The following SLC2A9 variants were observed in gnomAD, a reference collection of about 807,000 sequenced individuals.
SLC2A9 encodes the protein solute carrier family 2, facilitated glucose transporter member 9.
In SLC2A9, 39 loss-of-function variants were observed where a neutral mutation model predicts 50.6. That is an observed-to-expected ratio of 0.77 (90% CI 0.60 to 1.01). The LOEUF is 1.01. SLC2A9 is among the 50% of genes least tolerant of loss of function. The probability of loss-of-function intolerance (pLI) is 0.00; values close to 1 mark genes in which losing one functional copy is unlikely to be tolerated. For synonymous variants in SLC2A9, 324 were observed against 276.9 expected (o/e 1.17, Z -1.69); for missense variants, 686 against 677.6 (o/e 1.01, Z -0.14).
intron 3 of SLC2A9, chr4:9,781,683 C>T (rs1055014617): frequency 4.4e-6 from 1 of 227,790 alleles, no homozygotes; most frequent in African/African-American, 2.3e-5. Context: ...TCAGTGGCGG[C>T]TTGCTCTCTT....
At chr4:9,904,555 T>C (rs2109942799) in intron 8 of SLC2A9, among the ~76,000 whole-genome samples, 1 of 152,342 alleles carries the variant, frequency 6.6e-6, no homozygotes, top group African/African-American at 2.4e-5. Context: ...TTGTGCCATG[T>C]AAGGTAATAT....
chr4:10,008,908 T>G (rs1375543332), intron 2 of SLC2A9, among the ~76,000 whole-genome samples: 1 of 151,394 alleles, frequency 6.6e-6, no homozygotes, highest in Non-Finnish European at 1.5e-5. Flanking sequence ...TGGTTTTTTT[T>G]TTTTTTTTTC....
intron 8 of SLC2A9, among the ~76,000 whole-genome samples, chr4:9,905,729 T>C (rs1740543392): frequency 6.6e-6 from 1 of 152,158 alleles, no homozygotes; most frequent in Non-Finnish European, 1.5e-5. Context: ...GGAAGAAGTG[T>C]AGCCACTTCC....
At chr4:9,907,248 A>G (rs528756401) in intron 8 of SLC2A9, among the ~76,000 whole-genome samples, 40 of 152,266 alleles carry the variant, frequency 2.6e-4, no homozygotes, top group Admixed American at 1.6e-3. Context: ...AAAAAAGAAG[A>G]GACACAAGCA....
At chr4:10,033,267 C>A (rs969936048) in intron 1 of SLC2A9, among the ~76,000 whole-genome samples, 4 of 152,180 alleles carry the variant, frequency 2.6e-5, no homozygotes, top group African/African-American at 9.7e-5. Flanking sequence ...ATGTCACCCC[C>A]ACTGTCTATC....
At chr4:9,943,293 A>C (rs1036245959) in intron 5 of SLC2A9, among the ~76,000 whole-genome samples, 3 of 152,180 alleles carry the variant, frequency 2.0e-5, no homozygotes, top group Non-Finnish European at 4.4e-5. Context: ...TCTCCATCTA[A>C]GGGGTGCCTT....
chr4:9,867,595 C>T (rs116690994), intron 10 of SLC2A9, among the ~76,000 whole-genome samples: 1,601 of 152,248 alleles, frequency 0.011, 27 homozygotes, highest in African/African-American at 0.036. Flanking sequence ...GATAGACGGG[C>T]GGCTATTGCT....
intron 5 of SLC2A9, among the ~76,000 whole-genome samples, chr4:9,955,926 G>C (rs1443458365): frequency 7.8e-6 from 1 of 127,562 alleles, no homozygotes; most frequent in Non-Finnish European, 1.5e-5. Flanking sequence ...TGCCCAGGCT[G>C]GAGTGTAGTG....
At chr4:9,877,589 T>C (rs1734508506) in intron 10 of SLC2A9, among the ~76,000 whole-genome samples, 1 of 152,208 alleles carries the variant, frequency 6.6e-6, no homozygotes. Flanking sequence ...GTAAATCCAG[T>C]AAGCAATACT....
chr4:9,791,836 T>C (rs953977845), intron 3 of SLC2A9, among the ~76,000 whole-genome samples: 2 of 152,184 alleles, frequency 1.3e-5, no homozygotes, highest in African/African-American at 4.8e-5. Context: ...AGCGAATCTT[T>C]GCCTGGGCTC....
chr4:9,936,110 G>T (rs1747026480), intron 6 of SLC2A9, among the ~76,000 whole-genome samples: 1 of 152,190 alleles, frequency 6.6e-6, no homozygotes, highest in African/African-American at 2.4e-5. Context: ...TGGGTGGAAT[G>T]TTTGTGCCCC....
chr4:9,953,482 C>A (rs972017375), intron 5 of SLC2A9, among the ~76,000 whole-genome samples: 88 of 152,304 alleles, frequency 5.8e-4, no homozygotes, highest in African/African-American at 1.9e-3. Flanking sequence ...TTTTGGACCT[C>A]AAATTTAAAT....
chr4:9,771,354 T>C, exon 2 of SLC2A9: 1 of 394,872 alleles, frequency 2.5e-6, no homozygotes, highest in East Asian at 3.6e-5. Flanking sequence ...AGGTCTGCCT[T>C]CTTGACATGA....
chr4:9,771,615 C>T (rs533643321), intron 1 of SLC2A9, among the ~76,000 whole-genome samples: 4 of 152,348 alleles, frequency 2.6e-5, no homozygotes, highest in East Asian at 1.9e-4. Context: ...CTCCAAGAGG[C>T]TAAGATGACT....
chr4:9,986,261 AT>A (rs2109153246), intron 3 of SLC2A9, among the ~76,000 whole-genome samples: 1 of 152,292 alleles, frequency 6.6e-6, no homozygotes, highest in South Asian at 2.1e-4. Flanking sequence ...CCTCAGGGGC[AT>A]GGAGGAGGGC....
At chr4:10,002,865 A>T (rs76138462) in intron 2 of SLC2A9, among the ~76,000 whole-genome samples, 1 of 148,276 alleles carries the variant, frequency 6.7e-6, no homozygotes, top group Non-Finnish European at 1.5e-5. Flanking sequence ...ACAAAAAAAA[A>T]GAGTAAATAT....
rs538099203 is a variant in SLC2A9, at chr4:9,803,551, C to A, written n.421-4310G>T. On this transcript the variant is annotated intron_variant and non_coding_transcript_variant, in intron 3 of 3. Transcript: ENST00000503280. Reference sequence around the variant, plus strand: ...AGGATCCCATCGCAGCCTGAAATCTCTTTGCCACTAAAAGAGTGGTCCACT... The same window carrying A: ...AGGATCCCATCGCAGCCTGAAATCTATTTGCCACTAAAAGAGTGGTCCACT... 6.6e-5 allele frequency among the ~76,000 whole-genome samples: 10 copies of A among 152,352 alleles called. No homozygotes were observed. The South Asian group carries it at 1.9e-3, about 28-fold the overall frequency.
chr4:9,980,356 T>C (rs1427467646), intron 5 of SLC2A9, among the ~76,000 whole-genome samples: 1 of 152,238 alleles, frequency 6.6e-6, no homozygotes, highest in Non-Finnish European at 1.5e-5. Context: ...CTATTAATGA[T>C]AATTACTGGG....
chr4:9,893,400 G>C (rs542318474), intron 8 of SLC2A9, among the ~76,000 whole-genome samples: 1 of 152,050 alleles, frequency 6.6e-6, no homozygotes, highest in African/African-American at 2.4e-5. Context: ...TCATTTGCAG[G>C]GGGAGGGCGG....
Sources: gnomAD v4.1 joint callset for allele counts (sites outside exome capture counted in the v4.1 genomes callset) on GRCh38, gnomAD v4.1.1 for gene constraint, MANE v1.5 for transcripts, NCBI Gene and HGNC (gene_info 2026-07-23, HGNC 2026-07-21) for gene names.